WRNIP1: variants seen among roughly 807,000 people sequenced by gnomAD.
WRNIP1 encodes WRN helicase interacting protein 1.
WRNIP1 carries 41 observed loss-of-function variants against 56.1 expected under a neutral mutation model. The observed-to-expected ratio is 0.73, with a 90% CI of 0.57 to 0.95. The LOEUF (loss-of-function observed/expected upper bound fraction) is 0.95. Ranked by LOEUF, WRNIP1 falls within the 40% of genes least tolerant of loss-of-function variation. The pLI, the probability that WRNIP1 is intolerant of heterozygous loss-of-function variation, is 0.00. For missense variants in WRNIP1, 1,170 were observed against 939.4 expected (o/e 1.25, Z -3.21); for synonymous variants, 547 against 398.1 (o/e 1.37, Z -4.45).
In WRNIP1 at chr6:2,773,277, C is replaced by T. The variant is rs935191456; in HGVS notation, c.1256+2916C>T. 10 of 985,256 alleles carry T rather than the reference C, an allele frequency of 1.0e-5. No homozygotes were observed. In the African/African-American group the frequency reaches 1.7e-4, roughly 17 times the overall value. The allele number at this position is 985,256 out of a possible 1,614,324, so 61.0% of individuals were successfully genotyped here. ...TGGCTGAGGGTTGAAAAGCTTGTTCCTGTGCCTTCAGAGGGAGCGCAGTAT... is the reference window on the plus strand; with the variant it reads ...TGGCTGAGGGTTGAAAAGCTTGTTCTTGTGCCTTCAGAGGGAGCGCAGTAT... On this transcript the variant is annotated intron_variant, in intron 3 of 6. Coordinates refer to ENST00000380773, the MANE Select transcript of WRNIP1 (RefSeq NM_020135.3).
intron 2 of WRNIP1, among the ~76,000 whole-genome samples, chr6:2,769,310 A>AGGT (rs1054744100): frequency 1.3e-5 from 2 of 152,166 alleles, no homozygotes; most frequent in African/African-American, 4.8e-5. Context: ...TCTGTCTTCA[A>AGGT]GGTGAATGTT....
intron 3 of WRNIP1, among the ~76,000 whole-genome samples, chr6:2,771,617 C>A (rs565028910): frequency 6.6e-6 from 1 of 152,146 alleles, no homozygotes; most frequent in African/African-American, 2.4e-5. Flanking sequence ...CTTCATGATG[C>A]TGTGAAAGGA....
rs17228987 is a variant in WRNIP1, at chr6:2,785,902, C to T, written c.*620C>T. On this transcript the variant is annotated 3_prime_UTR_variant, in exon 7 of 7. Coordinates refer to ENST00000380773, the MANE Select transcript of WRNIP1 (RefSeq NM_020135.3). ...TCAGTGTTATCTTGTTGAAAGTTAA[C>T]TCTGATCTCTTTAAAGGAATACATA... is the stretch of plus-strand genomic sequence containing the variant. The T allele has an allele frequency of 0.2, 31,204 of 153,544 alleles. 3,835 individuals carry two copies. Among genetic ancestry groups the T allele is most frequent in the East Asian group, 0.34 (1,753 of 5,172 alleles). The allele number at this position is 153,544 out of a possible 1,614,324, so 9.5% of individuals were successfully genotyped here. A position where few individuals can be genotyped will look rare whatever the true frequency, so the allele number is the denominator to read the frequency against.
intron 3 of WRNIP1, among the ~76,000 whole-genome samples, chr6:2,771,368 G>A (rs1367626420): frequency 6.6e-6 from 1 of 152,226 alleles, no homozygotes; most frequent in African/African-American, 2.4e-5. Flanking sequence ...GGACCACTGG[G>A]TAGGACAGAG....
rs1377620146 is a variant in WRNIP1, at chr6:2,765,573, C to T, written c.-50C>T. 2.8e-6 allele frequency: 4 copies of T among 1,418,156 alleles called. No individual in the cohort carries two copies. The highest frequency in any genetic ancestry group is 3.7e-6 in the Non-Finnish European group (4 of 1,092,552). The allele number at this position is 1,418,156 out of a possible 1,614,324, so 87.8% of individuals were successfully genotyped here. ...GGAGGGCATCGAAGGCCTCCGCGTG[C>T]GCACGGGTTGCTGCGGCCGCGCCGG... is the stretch of plus-strand genomic sequence containing the variant. On this transcript the variant is annotated 5_prime_UTR_variant, in exon 1 of 7. Coordinates refer to ENST00000380773, the MANE Select transcript of WRNIP1 (RefSeq NM_020135.3).
In WRNIP1 at chr6:2,786,698, G is replaced by A. The variant is rs1765723206; in HGVS notation, c.*1416G>A. The A allele has an allele frequency of 6.7e-6, 1 of 149,628 alleles. No individual in the cohort carries two copies. Among genetic ancestry groups the A allele is most frequent in the Non-Finnish European group, 1.5e-5 (1 of 67,070 alleles). The allele number at this position is 149,628 out of a possible 1,614,324, so 9.3% of individuals were successfully genotyped here. ...ATAAATTGTAGGTAAGAAATTACTT[G>A]TGCATTGTTTTACACTTTCCCACAT... On this transcript the variant is annotated 3_prime_UTR_variant, in exon 7 of 7. Transcript: ENST00000380773.
Position 2,779,237 on chromosome 6 carries a change from C to T in WRNIP1, c.1257-26C>T, listed in dbSNP as rs112678519. ...AAGAAGTATGCAGCCTGAGTGTGAC[C>T]GTAACTAACCCTGCTTGTGTTTCAG... On this transcript the variant is annotated intron_variant, in intron 3 of 6. Coordinates refer to ENST00000380773, the MANE Select transcript of WRNIP1 (RefSeq NM_020135.3). The T allele has an allele frequency of 3.1e-3, 4,927 of 1,609,658 alleles. 116 individuals are homozygous for T. The African/African-American group carries it at 0.055, about 18-fold the overall frequency.
intron 3 of WRNIP1, among the ~76,000 whole-genome samples, chr6:2,778,996 CTG>C (rs1765495961): frequency 6.6e-6 from 1 of 152,192 alleles, no homozygotes; most frequent in African/African-American, 2.4e-5. Context: ...CAGTCAGTGT[CTG>C]TTTCACACAG....
intron 3 of WRNIP1, among the ~76,000 whole-genome samples, chr6:2,774,962 C>G (rs1242974612): frequency 6.6e-6 from 1 of 152,198 alleles, no homozygotes; most frequent in African/African-American, 2.4e-5. Context: ...GCAGGCACTG[C>G]TCTAAGCATT....
intron 3 of WRNIP1, chr6:2,773,616 G>GA (rs1443288998): frequency 1.0e-5 from 10 of 985,232 alleles, no homozygotes; most frequent in Non-Finnish European, 1.2e-5. Context: ...TGGAGGCCAG[G>GA]AAAAAAATGT....
At chr6:2,767,661 A>G (rs1212197356) in intron 1 of WRNIP1, among the ~76,000 whole-genome samples, 2 of 152,224 alleles carry the variant, frequency 1.3e-5, no homozygotes, top group African/African-American at 2.4e-5. Context: ...CATTCTTAGT[A>G]ATTGTGAAGT....
chr6:2,772,907 C>G (rs1478646973), intron 3 of WRNIP1: 1 of 925,552 alleles, frequency 1.1e-6, no homozygotes, highest in Non-Finnish European at 1.3e-6. Flanking sequence ...GAAAAGACTT[C>G]CAACCCCATA....
intron 5 of WRNIP1, among the ~76,000 whole-genome samples, chr6:2,784,048 A>G (rs957612804): frequency 1.3e-5 from 2 of 152,122 alleles, no homozygotes; most frequent in African/African-American, 2.4e-5. Flanking sequence ...CATAGCCTTC[A>G]CTTCTTATGT....
intron 4 of WRNIP1, among the ~76,000 whole-genome samples, chr6:2,781,857 T>C (rs1003084342): frequency 6.6e-6 from 1 of 152,252 alleles, no homozygotes; most frequent in Non-Finnish European, 1.5e-5. Context: ...TGGTCTCGTT[T>C]TTCCCATTTT....
At chr6:2,779,889 C>T (rs114862040) in intron 4 of WRNIP1, among the ~76,000 whole-genome samples, 3,037 of 152,230 alleles carry the variant, frequency 0.02, 37 homozygotes, top group Non-Finnish European at 0.028. Context: ...GTCATAATGA[C>T]TTATTAGTTT....
intron 3 of WRNIP1, chr6:2,774,420 C>T: frequency 2.9e-6 from 1 of 339,600 alleles, no homozygotes; most frequent in African/African-American, 2.2e-5. Context: ...CTTGGCATTC[C>T]TTGGCTTATG....
chr6:2,773,513 G>A (rs1278646938), intron 3 of WRNIP1: 1 of 985,288 alleles, frequency 1.0e-6, no homozygotes, highest in African/African-American at 1.7e-5. Context: ...GGTTTGTATG[G>A]CTAAGCAGTA....
chr6:2,775,288 C>G (rs1765407371), intron 3 of WRNIP1, among the ~76,000 whole-genome samples: 1 of 152,212 alleles, frequency 6.6e-6, no homozygotes, highest in Non-Finnish European at 1.5e-5. Context: ...CTGCACATCA[C>G]ACTTCCCTGG....
intron 4 of WRNIP1, 131 bp from the exon 5 acceptor site, chr6:2,783,275 C>T: frequency 1.9e-6 from 2 of 1,042,388 alleles, no homozygotes; most frequent in South Asian, 3.7e-5. Context: ...AAGGCAGCTG[C>T]CCAAACCTCT....
Sources: allele counts gnomAD v4.1 joint callset (sites outside exome capture counted in the v4.1 genomes callset), GRCh38; gene constraint gnomAD v4.1.1; transcripts MANE v1.5; gene names NCBI Gene and HGNC (gene_info 2026-07-23, HGNC 2026-07-21).